Variants in MAML2 observed in about 807,000 individuals in gnomAD.
The protein encoded by MAML2 is mastermind like transcriptional coactivator 2, also known as mastermind-like protein 2.
A neutral mutation model predicts 96.1 loss-of-function variants in MAML2; 22 were observed. The ratio of observed to expected loss-of-function variants is 0.23; its 90% confidence interval spans 0.16 to 0.33. The LOEUF (loss-of-function observed/expected upper bound fraction) is 0.33, where lower values mean the gene tolerates loss of function less well. MAML2 is among the 10% of genes least tolerant of loss of function. The pLI, the probability that MAML2 is intolerant of heterozygous loss-of-function variation, is 1.00. For synonymous variants in MAML2, 561 were observed against 521.3 expected (o/e 1.08, Z -1.04); for missense variants, 1,367 against 1,392.4 (o/e 0.98, Z 0.29).
At chr11:96,060,168 A>C (rs926764251) in intron 2 of MAML2, among the ~76,000 whole-genome samples, 3 of 152,242 alleles carry the variant, frequency 2.0e-5, no homozygotes, top group Admixed American at 6.5e-5. Context: ...TTATGTGTTC[A>C]AGTTGAAAAT....
chr11:96,288,357 C>T (rs1020913699), intron 1 of MAML2, among the ~76,000 whole-genome samples: 1 of 152,006 alleles, frequency 6.6e-6, no homozygotes, highest in African/African-American at 2.4e-5. Flanking sequence ...GCCTGGCCAA[C>T]ATGGTGAAAC....
rs540576768 is a variant in MAML2 at position 96,161,292 on chromosome 11, A to C, written c.514-67775T>G. Among the ~76,000 whole-genome samples, 25 of 152,342 alleles carry C rather than the reference A, an allele frequency of 1.6e-4. No homozygotes were observed. In the South Asian group the frequency reaches 5.0e-3, roughly 30 times the overall value. ...CCTCCCCCACACAAATCAATCACAA[A>C]GGAAATAGGCATTTGAGGGAAAAGT... On this transcript the variant is annotated intron_variant, in intron 1 of 4. Transcript: ENST00000524717.
rs1859713099 is a variant in MAML2 at position 96,091,933 on chromosome 11, T to C, written c.2098A>G (p.Ile700Val). 1.2e-6 allele frequency: 2 copies of C among 1,613,346 alleles called. No individual in the cohort carries two copies. Among genetic ancestry groups the C allele is most frequent in the Non-Finnish European group, 1.7e-6 (2 of 1,179,660 alleles). ...GAGACTTGGTATCCCATTCCTGCAA[T>C]GGGCTGATTCTGCATTTGCTGAAGT... is the stretch of plus-strand genomic sequence containing the variant. Reference protein sequence around the residue: ...LLLQQMQNQPIAGMGYQVSQQ... With the variant: ...LLLQQMQNQPVAGMGYQVSQQ... Residue 700 changes from isoleucine to valine, a missense_variant, in exon 2 of 5, where the codon ATT (isoleucine) becomes GTT (valine). Ile to Val is a conservative substitution (Grantham distance 29). Coordinates refer to ENST00000524717, the MANE Select transcript of MAML2 (RefSeq NM_032427.4).
At chr11:96,335,344 G>A (rs1025076373) in intron 1 of MAML2, among the ~76,000 whole-genome samples, 6 of 152,184 alleles carry the variant, frequency 3.9e-5, no homozygotes, top group African/African-American at 9.7e-5. Flanking sequence ...TGGGAAGACT[G>A]ATTTACACAT....
intron 1 of MAML2, among the ~76,000 whole-genome samples, chr11:96,292,812 CAG>C (rs1314763273): frequency 1.3e-5 from 2 of 151,776 alleles, no homozygotes; most frequent in South Asian, 2.1e-4. Context: ...TTTAACAGCA[CAG>C]TGTGAGTTTA....
intron 1 of MAML2, among the ~76,000 whole-genome samples, chr11:96,200,631 A>G (rs572520196): frequency 5.3e-5 from 8 of 152,228 alleles, no homozygotes; most frequent in Non-Finnish European, 1.2e-4. Context: ...GGTCATGGCT[A>G]TGCCTCAATC....
intron 1 of MAML2, among the ~76,000 whole-genome samples, chr11:96,174,145 CT>C (rs1861346562): frequency 6.6e-6 from 1 of 152,214 alleles, no homozygotes; most frequent in Admixed American, 6.5e-5. Flanking sequence ...TTCGCCTCTC[CT>C]TTCCTTCATA....
intron 2 of MAML2, among the ~76,000 whole-genome samples, chr11:96,047,071 C>A (rs1046592132): frequency 2.0e-5 from 3 of 152,074 alleles, no homozygotes; most frequent in Non-Finnish European, 2.9e-5. Flanking sequence ...GCCTTTGGTA[C>A]CTTCTATCTT....
chr11:96,121,972 T>G (rs1266770238), intron 1 of MAML2, among the ~76,000 whole-genome samples: 126 of 62,806 alleles, frequency 2.0e-3, no homozygotes, highest in South Asian at 3.3e-3. Flanking sequence ...TTTTTTTTTT[T>G]TTTTTTTTTT....
At chr11:96,073,414 G>A (rs1178408593) in intron 2 of MAML2, among the ~76,000 whole-genome samples, 6 of 150,526 alleles carry the variant, frequency 4.0e-5, no homozygotes, top group African/African-American at 9.8e-5. Flanking sequence ...TCCACCTCTC[G>A]GATTCACACC....
chr11:96,327,199 G>C (rs1478541458), intron 1 of MAML2, among the ~76,000 whole-genome samples: 2 of 152,112 alleles, frequency 1.3e-5, no homozygotes, highest in Admixed American at 1.3e-4. Context: ...AAATGCTAGG[G>C]AATCCAACCC....
At chr11:96,159,487 CGAGCCGAGA>C (rs1861069850) in intron 1 of MAML2, among the ~76,000 whole-genome samples, 1 of 55,506 alleles carries the variant, frequency 1.8e-5, no homozygotes, top group African/African-American at 4.9e-5. Flanking sequence ...ATCTCGGCTG[CGAGCCGAGA>C]TCACTGCGAG....
At chr11:96,193,534 A>G (rs901241102) in intron 1 of MAML2, among the ~76,000 whole-genome samples, 1 of 152,230 alleles carries the variant, frequency 6.6e-6, no homozygotes, top group African/African-American at 2.4e-5. Flanking sequence ...TCTGTATAAC[A>G]TCTTTAGCTC....
intron 1 of MAML2, among the ~76,000 whole-genome samples, chr11:96,161,662 T>C (rs1861105653): frequency 1.3e-5 from 2 of 152,238 alleles, no homozygotes; most frequent in Admixed American, 1.3e-4. Flanking sequence ...TTATTTAAGA[T>C]TGTTTTGTTT....
At chr11:96,165,156 C>T (rs1362748948) in intron 1 of MAML2, among the ~76,000 whole-genome samples, 1 of 151,536 alleles carries the variant, frequency 6.6e-6, no homozygotes, top group South Asian at 2.1e-4. Context: ...CATCATTATA[C>T]ATTGCTTTGT....
At chr11:96,113,214 C>T (rs1378037060) in intron 1 of MAML2, among the ~76,000 whole-genome samples, 1 of 150,348 alleles carries the variant, frequency 6.7e-6, no homozygotes, top group Non-Finnish European at 1.5e-5. Flanking sequence ...TTTTTCTTAG[C>T]GACAAGCTAG....
chr11:96,247,047 C>T (rs533267959), intron 1 of MAML2, among the ~76,000 whole-genome samples: 1 of 152,106 alleles, frequency 6.6e-6, no homozygotes, highest in African/African-American at 2.4e-5. Context: ...ACATAAGGAC[C>T]TTAGTGTGTT....
chr11:95,996,981 A>C (rs911198505), intron 2 of MAML2, among the ~76,000 whole-genome samples: 1 of 152,068 alleles, frequency 6.6e-6, no homozygotes, highest in African/African-American at 2.4e-5. Context: ...GCATGCATGC[A>C]TGTGTGTGAT....
chr11:96,021,897 A>G (rs1013710594), intron 2 of MAML2, among the ~76,000 whole-genome samples: 1 of 152,190 alleles, frequency 6.6e-6, no homozygotes, highest in Non-Finnish European at 1.5e-5. Context: ...TTTGCCTTGA[A>G]GCTGGGCTCC....
Sources: gnomAD v4.1 joint callset for allele counts (sites outside exome capture counted in the v4.1 genomes callset) on GRCh38, gnomAD v4.1.1 for gene constraint, MANE v1.5 for transcripts, NCBI Gene and HGNC (gene_info 2026-07-23, HGNC 2026-07-21) for gene names.